RANBP2: variants seen among roughly 807,000 people sequenced by gnomAD.
The protein encoded by RANBP2 is E3 SUMO-protein ligase RanBP2.
Under a neutral mutation model 303.6 loss-of-function variants are expected in RANBP2, and 57 were observed. That is an observed-to-expected ratio of 0.19 (90% confidence interval 0.15 to 0.23). The LOEUF (loss-of-function observed/expected upper bound fraction) is 0.23, where lower values mean the gene tolerates loss of function less well. Among genes scored for constraint, RANBP2 ranks in the 10% least tolerant of loss-of-function variants. The pLI is 1.00. For synonymous variants in RANBP2, 1,167 were observed against 1,301.5 expected, an observed-to-expected ratio of 0.90 and a Z score of 2.23; for missense variants, 3,138 against 3,780.8, an observed-to-expected ratio of 0.83 and a Z score of 4.46.
At chr2:108,883,075 A>G in the RANBP2 span, 1 of 152,120 alleles carries the variant, frequency 6.6e-6, no homozygotes, top group African/African-American at 2.4e-5. Context: ...CTTATTTTCC[A>G]CTGTATTTCA....
the RANBP2 span, chr2:109,544,317 A>C: frequency 6.3e-7 from 1 of 1,590,674 alleles, no homozygotes; most frequent in Non-Finnish European, 8.5e-7. Flanking sequence ...TTTTACAAAA[A>C]ATTGGAGCTG....
the RANBP2 span, among the ~76,000 whole-genome samples, chr2:109,077,208 A>G: frequency 1.3e-5 from 2 of 150,730 alleles, no homozygotes; most frequent in Admixed American, 6.6e-5. Flanking sequence ...GTAGGACTTT[A>G]TCTCACACCA....
intron 17 of RANBP2, among the ~76,000 whole-genome samples, chr2:108,755,481 C>T (rs1345616740): frequency 6.6e-6 from 1 of 151,806 alleles, no homozygotes; most frequent in Non-Finnish European, 1.5e-5. Context: ...GCTTCGACCT[C>T]CTAGCTCAAG....
At chr2:108,788,461 G>A (rs13400722), downstream of RANBP2, among the ~76,000 whole-genome samples, 4,191 of 151,872 alleles carry the variant, frequency 0.028, 190 homozygotes, top group African/African-American at 0.094. Flanking sequence ...GCTCACGCCT[G>A]TAATCCCAGC....
chr2:109,095,080 T>G, the RANBP2 span, among the ~76,000 whole-genome samples: 395 of 152,326 alleles, frequency 2.6e-3, 5 homozygotes, highest in African/African-American at 9.4e-3. Context: ...ATAAACTGCT[T>G]CCTTGACTTT....
chr2:108,812,347 G>T, the RANBP2 span, among the ~76,000 whole-genome samples: 1 of 152,054 alleles, frequency 6.6e-6, no homozygotes, highest in Admixed American at 6.6e-5. Flanking sequence ...AGATAACAGT[G>T]TACTTATTAA....
the RANBP2 span, among the ~76,000 whole-genome samples, chr2:108,962,834 T>C: frequency 6.6e-6 from 1 of 152,080 alleles, no homozygotes; most frequent in Non-Finnish European, 1.5e-5. Context: ...AGAGTGATGC[T>C]GAATTAAAAG....
chr2:108,831,097 C>T, the RANBP2 span, among the ~76,000 whole-genome samples: 1 of 151,982 alleles, frequency 6.6e-6, no homozygotes, highest in Non-Finnish European at 1.5e-5. Flanking sequence ...ATCGCTTAAA[C>T]CCCGGAGGCA....
the RANBP2 span, among the ~76,000 whole-genome samples, chr2:109,393,899 A>G: frequency 1.3e-5 from 2 of 151,712 alleles, no homozygotes; most frequent in Non-Finnish European, 2.9e-5. Context: ...AAAAAAACAA[A>G]GTCTCCTCAG....
At chr2:108,871,900 G>A in the RANBP2 span, among the ~76,000 whole-genome samples, 1 of 151,954 alleles carries the variant, frequency 6.6e-6, no homozygotes, top group Non-Finnish European at 1.5e-5. Flanking sequence ...ATTTTCTCTA[G>A]TTTTACAGTT....
chr2:109,375,288 C>T, the RANBP2 span, among the ~76,000 whole-genome samples: 1 of 152,208 alleles, frequency 6.6e-6, no homozygotes, highest in Non-Finnish European at 1.5e-5. Flanking sequence ...CCTTTTCGCC[C>T]ATCGTTTTGC....
At chr2:109,440,343 C>T in the RANBP2 span, among the ~76,000 whole-genome samples, 3 of 152,134 alleles carry the variant, frequency 2.0e-5, no homozygotes, top group Admixed American at 1.3e-4. Context: ...CGCTGGAATA[C>T]GGATAGGGTG....
chr2:109,521,217 C>CA, the RANBP2 span, among the ~76,000 whole-genome samples: 405 of 115,196 alleles, frequency 3.5e-3, 2 homozygotes, highest in South Asian at 0.014. Context: ...GACTCCGTCT[C>CA]AAAAAAAAAA....
At chr2:108,937,199 CTTCT>C in the RANBP2 span, among the ~76,000 whole-genome samples, 1 of 152,226 alleles carries the variant, frequency 6.6e-6, no homozygotes, top group African/African-American at 2.4e-5. Flanking sequence ...AGCAGCCACT[CTTCT>C]TTATCACTGC....
At chr2:109,611,236 GA>G in the RANBP2 span, among the ~76,000 whole-genome samples, 14 of 151,926 alleles carry the variant, frequency 9.2e-5, no homozygotes, top group African/African-American at 3.4e-4. Context: ...AAACTTTTAG[GA>G]AAAAAATAAG....
chr2:108,925,233 G>A, the RANBP2 span, among the ~76,000 whole-genome samples: 1 of 152,208 alleles, frequency 6.6e-6, no homozygotes, highest in Non-Finnish European at 1.5e-5. Flanking sequence ...AAGGATGATT[G>A]TCTGTAAACA....
the RANBP2 span, among the ~76,000 whole-genome samples, chr2:108,913,366 A>G: frequency 6.6e-6 from 1 of 152,268 alleles, no homozygotes; most frequent in African/African-American, 2.4e-5. Context: ...GAGACAAAGT[A>G]TATGAAATCC....
chr2:109,086,585 C>T, the RANBP2 span, among the ~76,000 whole-genome samples: 6 of 152,140 alleles, frequency 3.9e-5, no homozygotes, highest in East Asian at 1.9e-4. Context: ...CCCTGCCCAT[C>T]GAGTGAGTCT....
At chr2:109,119,823 A>T in the RANBP2 span, among the ~76,000 whole-genome samples, 2 of 152,214 alleles carry the variant, frequency 1.3e-5, no homozygotes, top group African/African-American at 4.8e-5. Context: ...TGCTATGGAA[A>T]CTGCAGTTGG....
Sources: gnomAD v4.1 joint callset for allele counts (sites outside exome capture counted in the v4.1 genomes callset) on GRCh38, gnomAD v4.1.1 for gene constraint, MANE v1.5 for transcripts, NCBI Gene and HGNC (gene_info 2026-07-23, HGNC 2026-07-21) for gene names.